TNS3: variants seen among roughly 807,000 people sequenced by gnomAD.
TNS3 encodes tensin-3.
TNS3 carries 45 observed loss-of-function variants against 140.9 expected under a neutral mutation model. The observed-to-expected ratio is 0.32, with a 90% confidence interval of 0.25 to 0.41. TNS3 has a LOEUF of 0.41. Ranked by LOEUF, TNS3 falls within the 10% of genes least tolerant of loss-of-function variation. The pLI is 1.00. For missense variants in TNS3, 1,716 were observed against 1,906.7 expected, an observed-to-expected ratio of 0.90 and a Z score of 1.86; for synonymous variants, 815 against 788.4, an observed-to-expected ratio of 1.03 and a Z score of -0.56.
At position 47,439,546 on chromosome 7, in the gene TNS3, G is replaced by A. The variant is rs766763696; in HGVS notation, c.91C>T (p.Leu31=). 6 of 1,614,098 alleles carry A rather than the reference G, an allele frequency of 3.7e-6. No individual in the cohort carries two copies. Among genetic ancestry groups the A allele is most frequent in the Non-Finnish European group, 5.1e-6 (6 of 1,179,978 alleles). Residue 31 remains leucine (L), a synonymous_variant, in exon 6 of 31, where the codon CTG becomes TTG. Transcript: ENST00000311160. ...FPAGCSEESY[L]HNLQEVTRML... is the part of the protein sequence containing the mutation. ...CGCGTGACCTCCTGTAGGTTGTGCAGGTAGGACTCCTCAGAGCAGCCGGCA... is the reference window on the plus strand; with the variant it reads ...CGCGTGACCTCCTGTAGGTTGTGCAAGTAGGACTCCTCAGAGCAGCCGGCA...
intron 16 of TNS3, among the ~76,000 whole-genome samples, chr7:47,385,248 C>T (rs771392493): frequency 1.1e-4 from 16 of 152,308 alleles, no homozygotes; most frequent in Admixed American, 8.5e-4. Context: ...GATTCACAGC[C>T]GGCGACCAAG....
At chr7:47,570,597 G>A (rs773231017) in intron 1 of TNS3, among the ~76,000 whole-genome samples, 6 of 152,238 alleles carry the variant, frequency 3.9e-5, no homozygotes, top group Non-Finnish European at 7.3e-5. Context: ...CTGGGAAAAT[G>A]TGCCGGCATT....
intron 13 of TNS3, among the ~76,000 whole-genome samples, chr7:47,409,628 C>T (rs976696040): frequency 2.0e-5 from 3 of 152,064 alleles, no homozygotes; most frequent in Non-Finnish European, 4.4e-5. Context: ...CAAATCCTAC[C>T]AGCATCGCCC....
intron 15 of TNS3, among the ~76,000 whole-genome samples, chr7:47,399,888 C>T (rs1046583482): frequency 6.6e-6 from 1 of 151,966 alleles, no homozygotes; most frequent in East Asian, 1.9e-4. Flanking sequence ...GTAAACAGAA[C>T]CCACAGAGTG....
chr7:47,524,403 C>A (rs916207153), intron 2 of TNS3, among the ~76,000 whole-genome samples: 4 of 152,370 alleles, frequency 2.6e-5, no homozygotes, highest in African/African-American at 7.2e-5. Flanking sequence ...ACATCCCATC[C>A]TAGCTGAGGC....
chr7:47,419,594 A>G (rs1481940984), intron 10 of TNS3, among the ~76,000 whole-genome samples: 1 of 152,230 alleles, frequency 6.6e-6, no homozygotes, highest in African/African-American at 2.4e-5. Flanking sequence ...CATTGGTAGG[A>G]TGAAAGCGGC....
rs565636736 is a variant in TNS3, at chr7:47,303,429, A to G, written c.2978T>C (p.Leu993Pro). The change falls in exon 22 of 31, where the codon CTC becomes CCC. Residue 993 changes from leucine to proline, a missense_variant. Coordinates refer to ENST00000311160, the MANE Select transcript of TNS3 (RefSeq NM_022748.12). ...PVLSCFPPSELQAPFHSHELS... is the reference protein window; with the variant it reads ...PVLSCFPPSEPQAPFHSHELS... Reference sequence around the variant, plus strand: ...CTCATGGCTGTGGAAAGGAGCCTGGAGCTCTGACGGCGGGAAGCAGGACAG... The same window carrying G: ...CTCATGGCTGTGGAAAGGAGCCTGGGGCTCTGACGGCGGGAAGCAGGACAG... 1.2e-6 allele frequency: 2 copies of G among 1,613,620 alleles called. No individual in the cohort carries two copies. The highest frequency in any genetic ancestry group is 2.2e-5 in the South Asian group (2 of 91,074).
intron 3 of TNS3, among the ~76,000 whole-genome samples, chr7:47,492,530 C>T (rs59384588): frequency 0.07 from 10,642 of 152,300 alleles, 1,184 homozygotes; most frequent in African/African-American, 0.24. Flanking sequence ...AACCACCTGC[C>T]CACCTCCTAC....
intron 20 of TNS3, among the ~76,000 whole-genome samples, chr7:47,316,186 T>C (rs1418243300): frequency 2.7e-5 from 4 of 150,908 alleles, no homozygotes; most frequent in African/African-American, 7.3e-5. Flanking sequence ...GGGATTATTA[T>C]GCAGTTAAAT....
intron 16 of TNS3, among the ~76,000 whole-genome samples, chr7:47,370,136 C>A (rs1328005265): frequency 6.6e-6 from 1 of 152,008 alleles, no homozygotes; most frequent in African/African-American, 2.4e-5. Flanking sequence ...ATTAGCTGGG[C>A]GTGGTGGCGC....
chr7:47,395,331 C>T (rs908734142), intron 16 of TNS3, among the ~76,000 whole-genome samples: 7 of 152,172 alleles, frequency 4.6e-5, no homozygotes, highest in Non-Finnish European at 5.9e-5. Context: ...TCCAGCTCTC[C>T]AAATTAGCCC....
chr7:47,292,128 T>A (rs1265729395), intron 26 of TNS3, 96 bp from the exon 27 acceptor site: 2 of 1,237,958 alleles, frequency 1.6e-6, no homozygotes, highest in Non-Finnish European at 2.3e-6. Context: ...AATTCCCAGA[T>A]GGTGACATGC....
At chr7:47,354,544 C>G (rs999134023) in intron 17 of TNS3, among the ~76,000 whole-genome samples, 1 of 152,128 alleles carries the variant, frequency 6.6e-6, no homozygotes, top group Non-Finnish European at 1.5e-5. Context: ...CCACCCTGCT[C>G]CCAGCCTGAG....
intron 6 of TNS3, among the ~76,000 whole-genome samples, chr7:47,438,167 G>A (rs1795284159): frequency 6.6e-6 from 1 of 152,186 alleles, no homozygotes; most frequent in South Asian, 2.1e-4. Context: ...GCTTGTCCTG[G>A]TCACCCAGCA....
chr7:47,296,918 T>C (rs1284128422), intron 24 of TNS3, among the ~76,000 whole-genome samples, 164 bp downstream of exon 24: 3 of 152,232 alleles, frequency 2.0e-5, no homozygotes, highest in Admixed American at 6.5e-5. Context: ...TGTTCTTTCT[T>C]AAATAAGGTG....
intron 1 of TNS3, among the ~76,000 whole-genome samples, chr7:47,534,710 G>A (rs934513201): frequency 2.6e-5 from 4 of 152,108 alleles, no homozygotes; most frequent in Admixed American, 6.6e-5. Context: ...TTCCTATGTC[G>A]GTATCTGGTT....
chr7:47,431,253 A>C (rs1794916185), intron 8 of TNS3, among the ~76,000 whole-genome samples: 1 of 152,218 alleles, frequency 6.6e-6, no homozygotes, highest in Admixed American at 6.5e-5. Context: ...AGGAAGGTTT[A>C]TGGCAATAAA....
At chr7:47,566,107 G>A (rs1462983859) in intron 1 of TNS3, among the ~76,000 whole-genome samples, 2 of 152,228 alleles carry the variant, frequency 1.3e-5, no homozygotes, top group Non-Finnish European at 2.9e-5. Context: ...GACGCAGGAG[G>A]TCTGTCTGGG....
intron 3 of TNS3, among the ~76,000 whole-genome samples, chr7:47,492,351 C>G (rs1257719709): frequency 6.6e-6 from 1 of 152,260 alleles, no homozygotes; most frequent in African/African-American, 2.4e-5. Context: ...GCAGGCTGCC[C>G]TGCCTGCCGC....
Sources: allele counts gnomAD v4.1 joint callset (sites outside exome capture counted in the v4.1 genomes callset), GRCh38; gene constraint gnomAD v4.1.1; transcripts MANE v1.5; gene names NCBI Gene and HGNC (gene_info 2026-07-23, HGNC 2026-07-21).